Variants in ERBB4 observed in about 807,000 individuals in gnomAD.
ERBB4 encodes erb-b2 receptor tyrosine kinase 4, also known as receptor tyrosine-protein kinase erbB-4.
Under a neutral mutation model 158.0 loss-of-function variants are expected in ERBB4, and 42 were observed. The ratio of observed to expected loss-of-function variants is 0.27; its 90% CI spans 0.21 to 0.34. The LOEUF (loss-of-function observed/expected upper bound fraction) is 0.34, where lower values mean the gene tolerates loss of function less well. ERBB4 is among the 10% of genes least tolerant of loss of function. The probability of loss-of-function intolerance (pLI) is 1.00; values close to 1 mark genes in which losing one functional copy is unlikely to be tolerated. For missense variants in ERBB4, 1,333 were observed against 1,624.1 expected (o/e 0.82, Z 3.08); for synonymous variants, 583 against 558.7 (o/e 1.04, Z -0.61).
intron 2 of ERBB4, among the ~76,000 whole-genome samples, chr2:211,981,213 C>G (rs551328054): frequency 6.6e-6 from 1 of 152,234 alleles, no homozygotes; most frequent in Middle Eastern, 3.4e-3. Context: ...CCACTCTTCC[C>G]TAAGAGCACC....
At chr2:211,602,180 G>C (rs1043341160) in intron 19 of ERBB4, among the ~76,000 whole-genome samples, 3 of 152,020 alleles carry the variant, frequency 2.0e-5, no homozygotes, top group African/African-American at 7.2e-5. Flanking sequence ...CTAGTCACAG[G>C]CCCAGGACCT....
chr2:211,896,883 C>A (rs77406055), intron 3 of ERBB4, among the ~76,000 whole-genome samples: 14,568 of 151,936 alleles, frequency 0.096, 819 homozygotes, highest in African/African-American at 0.14. Flanking sequence ...TATTTCCAAT[C>A]CTATTTATTT....
chr2:211,693,736 C>T (rs2072907320), intron 12 of ERBB4, among the ~76,000 whole-genome samples: 1 of 152,158 alleles, frequency 6.6e-6, no homozygotes, highest in Admixed American at 6.6e-5. Flanking sequence ...TAACAAACTG[C>T]CATAAACTAG....
chr2:211,441,088 T>A (rs979493246), intron 20 of ERBB4, among the ~76,000 whole-genome samples: 1 of 152,182 alleles, frequency 6.6e-6, no homozygotes, highest in Non-Finnish European at 1.5e-5. Context: ...CAGAAGGATT[T>A]GTACCATGGC....
chr2:212,082,355 T>C (rs574801340), intron 2 of ERBB4, among the ~76,000 whole-genome samples: 3 of 152,214 alleles, frequency 2.0e-5, no homozygotes, highest in Non-Finnish European at 4.4e-5. Context: ...GATTTTTATT[T>C]GCTTGTTAAA....
chr2:211,719,091 A>G (rs2074015000), intron 7 of ERBB4, among the ~76,000 whole-genome samples: 1 of 152,086 alleles, frequency 6.6e-6, no homozygotes, highest in African/African-American at 2.4e-5. Context: ...AACTCCCATG[A>G]CTTCTTGTTC....
intron 2 of ERBB4, among the ~76,000 whole-genome samples, chr2:212,038,611 TA>T (rs2077069146): frequency 6.6e-6 from 1 of 152,114 alleles, no homozygotes; most frequent in Non-Finnish European, 1.5e-5. Flanking sequence ...TTCTCCTCCA[TA>T]AGGAAAAGAA....
intron 2 of ERBB4, among the ~76,000 whole-genome samples, chr2:212,093,470 G>A (rs1261212990): frequency 6.6e-6 from 1 of 152,114 alleles, no homozygotes; most frequent in African/African-American, 2.4e-5. Flanking sequence ...GAACCCATCT[G>A]ACATCTATAA....
intron 20 of ERBB4, among the ~76,000 whole-genome samples, chr2:211,445,325 G>T (rs1396312953): frequency 6.6e-6 from 1 of 152,074 alleles, no homozygotes; most frequent in Non-Finnish European, 1.5e-5. Flanking sequence ...CAGTAACTTG[G>T]AGAATTAAGT....
At chr2:212,063,764 G>A (rs759246398) in intron 2 of ERBB4, among the ~76,000 whole-genome samples, 14 of 152,198 alleles carry the variant, frequency 9.2e-5, no homozygotes, top group South Asian at 4.1e-4. Flanking sequence ...TAGCAAAATC[G>A]TATGCGTTTC....
intron 1 of ERBB4, among the ~76,000 whole-genome samples, chr2:212,477,983 C>T (rs1335103599): frequency 6.6e-6 from 1 of 152,084 alleles, no homozygotes; most frequent in Non-Finnish European, 1.5e-5. Context: ...TCTTATTGGG[C>T]TGTGTCATTC....
At chr2:211,464,530 G>C (rs1159084961) in intron 20 of ERBB4, among the ~76,000 whole-genome samples, 4 of 152,092 alleles carry the variant, frequency 2.6e-5, no homozygotes, top group Non-Finnish European at 5.9e-5. Flanking sequence ...GTATTTAAGT[G>C]ACAGCTCTGT....
intron 7 of ERBB4, among the ~76,000 whole-genome samples, chr2:211,720,731 C>A (rs1198005290): frequency 6.6e-6 from 1 of 152,138 alleles, no homozygotes; most frequent in Non-Finnish European, 1.5e-5. Flanking sequence ...TATTCATTTT[C>A]AGCATAGAAC....
chr2:212,234,668 G>A lies in ERBB4; in HGVS notation c.83-109765C>T, dbSNP rs545644749. 9.2e-5 allele frequency among the ~76,000 whole-genome samples: 14 copies of A among 152,170 alleles called. No individual in the cohort carries two copies. In the South Asian group the frequency reaches 2.7e-3, roughly 29 times the overall value. ...GTTGTTTCTTGACTTTTTCATGATC[G>A]CCATTCTAACTGGCATGAGATGGTA... is the stretch of plus-strand genomic sequence containing the variant. On this transcript the variant is annotated intron_variant, in intron 1 of 27. Transcript: ENST00000342788.
At chr2:212,070,934 T>G (rs541076516) in intron 2 of ERBB4, among the ~76,000 whole-genome samples, 10 of 152,064 alleles carry the variant, frequency 6.6e-5, no homozygotes, top group South Asian at 2.1e-4. Flanking sequence ...TTATTTTCAT[T>G]CTTATTATGT....
chr2:212,509,270 C>T (rs80152032), intron 1 of ERBB4, among the ~76,000 whole-genome samples: 3 of 151,958 alleles, frequency 2.0e-5, no homozygotes, highest in Non-Finnish European at 4.4e-5. Context: ...AAATGAGATT[C>T]GGAAGTTTTT....
At chr2:211,851,859 CA>C (rs1242725636) in intron 3 of ERBB4, among the ~76,000 whole-genome samples, 1 of 151,742 alleles carries the variant, frequency 6.6e-6, no homozygotes. Flanking sequence ...GAGATATGAG[CA>C]AAGGCTAAAT....
intron 3 of ERBB4, among the ~76,000 whole-genome samples, chr2:211,825,491 A>AAC (rs2077082287): frequency 6.6e-6 from 1 of 151,766 alleles, no homozygotes; most frequent in Non-Finnish European, 1.5e-5. Flanking sequence ...ATTTCAATGT[A>AAC]ACACTATCAT....
chr2:212,196,834 A>G (rs2105892504), intron 1 of ERBB4, among the ~76,000 whole-genome samples: 1 of 152,250 alleles, frequency 6.6e-6, no homozygotes, highest in South Asian at 2.1e-4. Context: ...GTATTTTGTT[A>G]TTTTTGATAT....
Sources: gnomAD v4.1 joint callset for allele counts (sites outside exome capture counted in the v4.1 genomes callset) on GRCh38, gnomAD v4.1.1 for gene constraint, MANE v1.5 for transcripts, NCBI Gene and HGNC (gene_info 2026-07-23, HGNC 2026-07-21) for gene names.